FBN1: variants seen among roughly 807,000 people sequenced by gnomAD.
The protein encoded by FBN1 is fibrillin 1.
In FBN1, 29 loss-of-function variants were observed where a neutral mutation model predicts 365.1. The ratio of observed to expected loss-of-function variants is 0.08; its 90% CI spans 0.06 to 0.11. The LOEUF (loss-of-function observed/expected upper bound fraction) is 0.11. FBN1 is among the 10% of genes least tolerant of loss of function. FBN1 has a pLI of 1.00. For synonymous variants in FBN1, 1,210 were observed against 1,270.5 expected, an observed-to-expected ratio of 0.95 and a Z score of 1.01; for missense variants, 2,476 against 3,703.2, an observed-to-expected ratio of 0.67 and a Z score of 8.60.
intron 10 of FBN1, 41 bp downstream of exon 10, chr15:48,520,618 C>T (rs1566917940): frequency 6.2e-7 from 1 of 1,611,560 alleles, no homozygotes; most frequent in Non-Finnish European, 8.5e-7. Flanking sequence ...CTTGTGAGGG[C>T]TGGGATGGGA....
chr15:48,440,699 A>G (rs2043105361), intron 50 of FBN1, among the ~76,000 whole-genome samples: 1 of 152,132 alleles, frequency 6.6e-6, no homozygotes, highest in Non-Finnish European at 1.5e-5. Context: ...TCAGAAACTA[A>G]CAAAGCTTTG....
intron 2 of FBN1, among the ~76,000 whole-genome samples, chr15:48,633,752 G>A (rs773506607): frequency 2.0e-5 from 3 of 152,188 alleles, no homozygotes; most frequent in African/African-American, 2.4e-5. Flanking sequence ...ATAAGGTTTG[G>A]TTATTTCAAG....
intron 2 of FBN1, among the ~76,000 whole-genome samples, chr15:48,640,185 C>T (rs1034917854): frequency 6.6e-6 from 1 of 152,168 alleles, no homozygotes; most frequent in African/African-American, 2.4e-5. Context: ...GTATTACCAA[C>T]TTACACATTT....
intron 6 of FBN1, among the ~76,000 whole-genome samples, chr15:48,589,800 G>A (rs2044464168): frequency 6.6e-6 from 1 of 151,680 alleles, no homozygotes. Context: ...TCTATTTGTA[G>A]TAGAGACAGG....
chr15:48,596,134 T>A, intron 6 of FBN1, 149 bp downstream of exon 6: 1 of 731,420 alleles, frequency 1.4e-6, no homozygotes, highest in Non-Finnish European at 2.4e-6. Context: ...TGTCTTGTCA[T>A]CCTAGGGACC....
chr15:48,474,249 A>T lies in FBN1; in HGVS notation c.4210+6T>A. ...GTTGACACAGTTGTTTCCAGCGTGA[A>T]CATACCTGTACAAGTGAAGCCATCA... On this transcript the variant is annotated splice_donor_region_variant and intron_variant, in intron 34 of 65. Transcript: ENST00000316623. 6.2e-7 allele frequency: 1 copy of T among 1,614,100 alleles called. No individual in the cohort carries two copies. The highest frequency in any genetic ancestry group is 1.1e-5 in the South Asian group (1 of 91,074).
At chr15:48,637,262 C>T (rs1324430151) in intron 2 of FBN1, among the ~76,000 whole-genome samples, 1 of 152,176 alleles carries the variant, frequency 6.6e-6, no homozygotes, top group East Asian at 1.9e-4. Flanking sequence ...TAATCATCTA[C>T]CCTTCACACC....
intron 6 of FBN1, among the ~76,000 whole-genome samples, chr15:48,569,964 C>A (rs996728449): frequency 1.3e-5 from 2 of 151,902 alleles, no homozygotes; most frequent in Non-Finnish European, 2.9e-5. Flanking sequence ...ATGTAAATTA[C>A]ACCTCCATGA....
At chr15:48,532,673 C>G (rs2141351902) in intron 8 of FBN1, among the ~76,000 whole-genome samples, 1 of 152,142 alleles carries the variant, frequency 6.6e-6, no homozygotes, top group Admixed American at 6.5e-5. Flanking sequence ...TTAATACACC[C>G]AAGACACCAT....
chr15:48,421,464 A>G, intron 62 of FBN1, 94 bp downstream of exon 62: 1 of 1,479,472 alleles, frequency 6.8e-7, no homozygotes, highest in East Asian at 2.4e-5. Context: ...CAGATCTGCT[A>G]TCTCATAGAG....
intron 44 of FBN1, among the ~76,000 whole-genome samples, chr15:48,456,298 C>T (rs1250712051): frequency 6.6e-6 from 1 of 152,170 alleles, no homozygotes; most frequent in African/African-American, 2.4e-5. Context: ...ACTAGGATGA[C>T]TGTCCACTCA....
intron 3 of FBN1, among the ~76,000 whole-genome samples, chr15:48,612,021 C>G (rs1356936765): frequency 1.3e-5 from 2 of 152,192 alleles, no homozygotes; most frequent in African/African-American, 4.8e-5. Context: ...GACATCATTT[C>G]TCAGAGAACT....
chr15:48,431,264 A>AT (rs1190291631), intron 55 of FBN1, among the ~76,000 whole-genome samples: 1 of 150,916 alleles, frequency 6.6e-6, no homozygotes, highest in Non-Finnish European at 1.5e-5. Context: ...CGCCTGGCTA[A>AT]TTTTTTTTGT....
chr15:48,586,157 C>A lies in FBN1; in HGVS notation c.538+10126G>T, dbSNP rs549370669. On this transcript the variant is annotated intron_variant, in intron 6 of 65. Transcript: ENST00000316623. ...AATCAGTTTAAAATGTAATAAAATG[C>A]AAGAAAAACAAGAATTCATTGGAGG... 6.6e-5 allele frequency among the ~76,000 whole-genome samples: 10 copies of A among 152,186 alleles called. No homozygotes were observed. The South Asian group carries it at 2.1e-3, about 32-fold the overall frequency.
In FBN1 at chr15:48,481,681, C is replaced by T; in HGVS notation, c.3938G>A (p.Gly1313Asp). The change falls in exon 32 of 66, where the codon GGC (glycine) becomes GAC (aspartate). Residue 1313 changes from glycine to aspartate, a missense_variant. Gly to Asp is a moderately conservative substitution (Grantham distance 94). Coordinates refer to ENST00000316623, the MANE Select transcript of FBN1 (RefSeq NM_000138.5). Reference sequence around the variant, plus strand: ...TGTACAGCCAGTTTTTCCTTTTTTGCCGGAGTAGCCCATATCACAGTGGCA... The same window carrying T: ...TGTACAGCCAGTTTTTCCTTTTTTGTCGGAGTAGCCCATATCACAGTGGCA... The part of the protein sequence containing the change: ...FICHCDMGYS[G>D]KKGKTGCTDI... The T allele has an allele frequency of 6.2e-7, 1 of 1,613,402 alleles. No homozygotes were observed. Among genetic ancestry groups the T allele is most frequent in the Non-Finnish European group, 8.5e-7 (1 of 1,179,618 alleles).
In FBN1 at chr15:48,441,713, A is replaced by C. The variant is rs1432677455; in HGVS notation, c.6163+8T>G. Reference sequence around the variant, plus strand: ...CATTGAAAGCCCAAAGCCTTCAAAGACACTTACCTTGGCACCTTCTTCCAC... The same window carrying C: ...CATTGAAAGCCCAAAGCCTTCAAAGCCACTTACCTTGGCACCTTCTTCCAC... On this transcript the variant is annotated splice_region_variant and intron_variant, in intron 50 of 65. Transcript: ENST00000316623. 1.2e-6 allele frequency: 2 copies of C among 1,613,406 alleles called. No homozygotes were observed. The highest frequency in any genetic ancestry group is 1.7e-6 in the Non-Finnish European group (2 of 1,179,568).
At chr15:48,478,014 C>T (rs564713683) in intron 32 of FBN1, among the ~76,000 whole-genome samples, 11 of 152,268 alleles carry the variant, frequency 7.2e-5, no homozygotes, top group Middle Eastern at 3.4e-3. Context: ...CTTACAGTCA[C>T]GCAGGGAGAG....
chr15:48,417,489 T>C (rs1177708861), intron 63 of FBN1, among the ~76,000 whole-genome samples: 6 of 77,510 alleles, frequency 7.7e-5, no homozygotes, highest in African/African-American at 2.7e-4. Context: ...TCCTTCCTTC[T>C]CTCCTCCCCT....
intron 2 of FBN1, among the ~76,000 whole-genome samples, chr15:48,628,621 G>GGCTAA (rs1475168547): frequency 6.6e-6 from 1 of 152,106 alleles, no homozygotes; most frequent in Non-Finnish European, 1.5e-5. Context: ...CTTACTGTTA[G>GGCTAA]ATATTAAATA....
Sources: allele counts gnomAD v4.1 joint callset (sites outside exome capture counted in the v4.1 genomes callset), GRCh38; gene constraint gnomAD v4.1.1; transcripts MANE v1.5; gene names NCBI Gene and HGNC (gene_info 2026-07-23, HGNC 2026-07-21).